Variants in FANCD2OS observed in about 807,000 individuals in gnomAD.
FANCD2OS encodes the protein FANCD2 opposite strand protein.
Under a neutral mutation model 13.2 loss-of-function variants are expected in FANCD2OS, and 11 were observed. The observed-to-expected ratio is 0.83, with a 90% CI of 0.52 to 1.38. The LOEUF (loss-of-function observed/expected upper bound fraction) is 1.38, where lower values mean the gene tolerates loss of function less well. Ranked by LOEUF, FANCD2OS falls within the 40% of genes most tolerant of loss-of-function variation. The pLI is 0.00. For missense variants in FANCD2OS, 217 were observed against 213.9 expected, an observed-to-expected ratio of 1.01 and a Z score of -0.09; for synonymous variants, 69 against 84.5, an observed-to-expected ratio of 0.82 and a Z score of 1.01.
At chr3:10,099,210 T>C (rs776315102), downstream of FANCD2OS, 20 of 1,368,642 alleles carry the variant, frequency 1.5e-5, no homozygotes, top group Non-Finnish European at 1.7e-5. Context: ...GTGAAAGCAT[T>C]TGGTGAAAGC....
chr3:10,084,867 T>C (rs1304109845), intron 2 of FANCD2OS, among the ~76,000 whole-genome samples: 2 of 152,086 alleles, frequency 1.3e-5, no homozygotes, highest in East Asian at 3.9e-4. Context: ...CATAATACAA[T>C]GAAAGCAGTG....
At chr3:10,084,290 C>CTT (rs112071263) in intron 2 of FANCD2OS, among the ~76,000 whole-genome samples, 29,703 of 142,744 alleles carry the variant, frequency 0.21, 3,749 homozygotes, top group African/African-American at 0.36. Context: ...CTACACCTGG[C>CTT]TTTTTTTTTT....
chr3:10,095,360 T>A (rs750058299), intron 2 of FANCD2OS: 1 of 1,056,112 alleles, frequency 9.5e-7, no homozygotes, highest in Admixed American at 1.9e-5. Context: ...CTACCATCCT[T>A]CTTCCTTTAT....
chr3:10,104,633 C>T lies in FANCD2OS; in HGVS notation c.142G>A (p.Val48Met). The change falls in exon 2 of 2, where the codon GTG becomes ATG. Residue 48 changes from valine (V) to methionine (M), a missense_variant. Val to Met is a conservative substitution (Grantham distance 21, BLOSUM62 1). Coordinates refer to ENST00000450660, the MANE Select transcript of FANCD2OS (RefSeq NM_001164839.2). The stretch of plus-strand genomic sequence containing the variant: ...GTGACCTCTTGAAAGCACAGCTGCA[C>T]TTCAAGGTCGGACGGTGTGTGTGGG... ...CFPHTPSDLEVQLCFQEVTLV... is the reference protein window; with the variant it reads ...CFPHTPSDLEMQLCFQEVTLV... The T allele has an allele frequency of 6.2e-7, 1 of 1,614,182 alleles. No homozygotes were observed. Among genetic ancestry groups the T allele is most frequent in the Non-Finnish European group, 8.5e-7 (1 of 1,180,036 alleles).
downstream of FANCD2OS, among the ~76,000 whole-genome samples, chr3:10,102,554 G>A (rs1235947797): frequency 6.6e-6 from 1 of 152,082 alleles, no homozygotes; most frequent in Non-Finnish European, 1.5e-5. Flanking sequence ...GCTGGGCGCG[G>A]TGGCTCGCGC....
At chr3:10,100,111 C>G (rs1695213848), downstream of FANCD2OS, among the ~76,000 whole-genome samples, 1 of 152,000 alleles carries the variant, frequency 6.6e-6, no homozygotes, top group Non-Finnish European at 1.5e-5. Flanking sequence ...TTGCTCAAGC[C>G]CAGGAGGTGG....
At position 10,104,249 on chromosome 3, in the gene FANCD2OS, A is replaced by G; in HGVS notation, c.526T>C (p.Ser176Pro). The change falls in exon 2 of 2, where the codon TCC becomes CCC. Residue 176 changes from serine (S) to proline (P), a missense_variant. Coordinates refer to ENST00000450660, the MANE Select transcript of FANCD2OS (RefSeq NM_001164839.2). ...GATCAAATGAGGACCCTTTACTTGG[A>G]GTGCTGCAAGGCAAAGGTGCACTTT... ...YKKCTFALQH[S>P]K 1.2e-6 allele frequency: 2 copies of G among 1,605,316 alleles called. No homozygotes were observed. The highest frequency in any genetic ancestry group is 1.7e-6 in the Non-Finnish European group (2 of 1,175,086).
chr3:10,101,381 T>A, downstream of FANCD2OS: 1 of 513,744 alleles, frequency 1.9e-6, no homozygotes, highest in Non-Finnish European at 3.4e-6. Flanking sequence ...GTTCCTCTTT[T>A]TTTTTTTTTT....
chr3:10,104,660 A>G lies in FANCD2OS; in HGVS notation c.115T>C (p.Phe39Leu), dbSNP rs567822518. The stretch of plus-strand genomic sequence containing the variant: ...TCAAGGTCGGACGGTGTGTGTGGGA[A>G]GCAGGGGGAGGCCTTGAATGGGTGC... Reference protein sequence around the residue: ...SKHPFKASPCFPHTPSDLEVQ... With the variant: ...SKHPFKASPCLPHTPSDLEVQ... Residue 39 changes from phenylalanine (F) to leucine (L), a missense_variant, in exon 2 of 2, where the codon TTC becomes CTC. Phe to Leu is a conservative substitution (Grantham distance 22, BLOSUM62 0). Transcript: ENST00000450660. 105 of 1,614,172 alleles carry G rather than the reference A, an allele frequency of 6.5e-5. No homozygotes were observed. The South Asian group carries it at 1.1e-3, about 17-fold the overall frequency.
At chr3:10,095,088 G>A in intron 2 of FANCD2OS, 1 of 862,898 alleles carries the variant, frequency 1.2e-6, no homozygotes, top group Non-Finnish European at 1.9e-6. Flanking sequence ...TATCAGCATA[G>A]GCTGGAAACT....
At chr3:10,085,903 C>G (rs746020754) in intron 2 of FANCD2OS, 1 of 1,611,556 alleles carries the variant, frequency 6.2e-7, no homozygotes, top group South Asian at 1.1e-5. Flanking sequence ...ACACAGCCAG[C>G]CTTTGGAGGA....
At chr3:10,105,111 C>CAA (rs998022809) in intron 1 of FANCD2OS, among the ~76,000 whole-genome samples, 1 of 152,146 alleles carries the variant, frequency 6.6e-6, no homozygotes, top group African/African-American at 2.4e-5. Flanking sequence ...CTCGGCCTCC[C>CAA]AAAGTGCTGG....
intron 2 of FANCD2OS, among the ~76,000 whole-genome samples, chr3:10,097,453 C>T (rs943324052): frequency 8.9e-4 from 135 of 152,318 alleles, no homozygotes; most frequent in African/African-American, 3.1e-3. Flanking sequence ...TTCTCAGGGA[C>T]GTTCCATGCT....
downstream of FANCD2OS, chr3:10,101,420 G>A (rs1695295290): frequency 1.1e-5 from 6 of 568,610 alleles, no homozygotes; most frequent in African/African-American, 4.4e-5. Flanking sequence ...GGGACTCGCT[G>A]TGTTTCCCAG....
chr3:10,095,699 C>G (rs1473198413), intron 2 of FANCD2OS, among the ~76,000 whole-genome samples: 3 of 152,174 alleles, frequency 2.0e-5, no homozygotes, highest in African/African-American at 7.2e-5. Flanking sequence ...AACATCTTAG[C>G]ATTAAAGGAT....
At chr3:10,100,121 G>A (rs992509125), downstream of FANCD2OS, among the ~76,000 whole-genome samples, 1 of 152,174 alleles carries the variant, frequency 6.6e-6, no homozygotes, top group Admixed American at 6.5e-5. Flanking sequence ...CCAGGAGGTG[G>A]AGGCTGCAGT....
rs762793040 is a variant in FANCD2OS at position 10,094,387 on chromosome 3, A to G, written c.*43+9811T>C. The G allele has an allele frequency of 3.1e-6, 5 of 1,593,006 alleles. No individual in the cohort carries two copies. In the Middle Eastern group the frequency reaches 8.3e-4, roughly 265 times the overall value. On this transcript the variant is annotated intron_variant, in intron 2 of 2. Transcript: ENST00000524279. ...GGGTAAGAGCTAAGAGCAGAGAACA[A>G]AGATATGCACTGAAGAGTTGCTCAG... is the stretch of plus-strand genomic sequence containing the variant.
chr3:10,094,865 C>A (rs1694858579), intron 2 of FANCD2OS: 1 of 384,166 alleles, frequency 2.6e-6, no homozygotes, highest in Admixed American at 3.8e-5. Context: ...AAAATACTCA[C>A]CATATTTGGT....
At chr3:10,092,203 A>G in intron 2 of FANCD2OS, 1 of 1,614,062 alleles carries the variant, frequency 6.2e-7, no homozygotes, top group Non-Finnish European at 8.5e-7. Context: ...AAACTCCTCT[A>G]CTGGAACATG....
Sources: allele counts gnomAD v4.1 joint callset (sites outside exome capture counted in the v4.1 genomes callset), GRCh38; gene constraint gnomAD v4.1.1; transcripts MANE v1.5; gene names NCBI Gene and HGNC (gene_info 2026-07-23, HGNC 2026-07-21).